The following PLCL1 variants were observed in gnomAD, a reference collection of about 807,000 sequenced individuals.
PLCL1 encodes the protein phospholipase C like 1 (inactive), also known as inactive phospholipase C-like protein 1.
A neutral mutation model predicts 84.4 loss-of-function variants in PLCL1; 41 were observed. The observed-to-expected ratio is 0.49, with a 90% CI of 0.38 to 0.63. PLCL1 has a LOEUF of 0.63. Among genes scored for constraint, PLCL1 ranks in the 30% least tolerant of loss-of-function variants. The pLI, the probability that PLCL1 is intolerant of heterozygous loss-of-function variation, is 0.00. For missense variants in PLCL1, 1,206 were observed against 1,367.8 expected, an observed-to-expected ratio of 0.88 and a Z score of 1.87; for synonymous variants, 490 against 488.3, an observed-to-expected ratio of 1.00 and a Z score of -0.05.
chr2:197,992,566 T>C (rs1690367581), intron 1 of PLCL1, among the ~76,000 whole-genome samples: 1 of 152,122 alleles, frequency 6.6e-6, no homozygotes, highest in Non-Finnish European at 1.5e-5. Context: ...GCCTGGCAAT[T>C]TCAAGTATTT....
intron 5 of PLCL1, among the ~76,000 whole-genome samples, chr2:198,138,843 C>A (rs987280713): frequency 1.1e-4 from 17 of 152,094 alleles, no homozygotes; most frequent in Admixed American, 2.0e-4. Context: ...GAACAATGAC[C>A]TTTGGAGTAC....
intron 1 of PLCL1, among the ~76,000 whole-genome samples, chr2:197,868,411 T>C (rs1265626960): frequency 6.6e-6 from 1 of 152,202 alleles, no homozygotes; most frequent in African/African-American, 2.4e-5. Context: ...TATCCCAGTG[T>C]CTATGCAGTA....
chr2:197,851,265 A>T (rs931752967), intron 1 of PLCL1, among the ~76,000 whole-genome samples: 1 of 152,240 alleles, frequency 6.6e-6, no homozygotes, highest in East Asian at 1.9e-4. Flanking sequence ...TTTTGTAAAC[A>T]TGAAGATAGG....
intron 1 of PLCL1, among the ~76,000 whole-genome samples, chr2:197,908,144 C>G (rs1306025457): frequency 6.6e-6 from 1 of 152,054 alleles, no homozygotes; most frequent in East Asian, 1.9e-4. Flanking sequence ...ACTGAGATAG[C>G]AAAAATAGAC....
intron 1 of PLCL1, among the ~76,000 whole-genome samples, chr2:197,894,274 G>A (rs1006663093): frequency 1.3e-5 from 2 of 151,962 alleles, no homozygotes; most frequent in Non-Finnish European, 2.9e-5. Flanking sequence ...GGTGTTGAGT[G>A]AGCCAGCCTA....
rs368817071 is a variant in PLCL1 at position 197,995,697 on chromosome 2, A to G, written c.241-88061A>G. On this transcript the variant is annotated intron_variant, in intron 1 of 5. Transcript: ENST00000428675. ...CATGTTCATGGTGTGGTACAGTGGT[A>G]CTTTTGTGGAGGCATACATTTTAAA... Among the ~76,000 whole-genome samples the G allele has an allele frequency of 8.9e-4, 136 of 152,214 alleles. No individual in the cohort carries two copies. The Middle Eastern group carries it at 0.017, about 19-fold the overall frequency.
intron 1 of PLCL1, among the ~76,000 whole-genome samples, chr2:198,010,805 T>A (rs1158218262): frequency 6.6e-6 from 1 of 151,852 alleles, no homozygotes; most frequent in Non-Finnish European, 1.5e-5. Flanking sequence ...AAGGTTATTT[T>A]TTTTTTTTAT....
chr2:197,922,848 C>T (rs1340700114), intron 1 of PLCL1, among the ~76,000 whole-genome samples: 8 of 121,408 alleles, frequency 6.6e-5, no homozygotes, highest in Non-Finnish European at 9.1e-5. Context: ...CCAGTAGGGG[C>T]GGCCGGGCAG....
At chr2:197,980,596 T>C (rs1040341478) in intron 1 of PLCL1, among the ~76,000 whole-genome samples, 1 of 152,184 alleles carries the variant, frequency 6.6e-6, no homozygotes, top group African/African-American at 2.4e-5. Flanking sequence ...TGAGAGAATA[T>C]TGAAATTGAT....
At chr2:197,818,211 A>C (rs532253151) in intron 1 of PLCL1, among the ~76,000 whole-genome samples, 2 of 152,152 alleles carry the variant, frequency 1.3e-5, no homozygotes, top group Non-Finnish European at 2.9e-5. Context: ...GTGTACTAGG[A>C]TGGAAGTAGT....
In PLCL1 at chr2:197,932,671, G is replaced by A. The variant is rs143227003; in HGVS notation, c.240+127332G>A. On this transcript the variant is annotated intron_variant, in intron 1 of 5. Transcript: ENST00000428675. ...CTATTTTGCATGTGTATAGAAAGGC[G>A]TTTTTAACTTACTTCAACTCAAGAT... is the stretch of plus-strand genomic sequence containing the variant. Among the ~76,000 whole-genome samples the A allele has an allele frequency of 1.2e-3, 187 of 152,274 alleles. 1 individual carries two copies. Among genetic ancestry groups the A allele is most frequent in the African/African-American group, 3.9e-3 (164 of 41,556 alleles).
chr2:197,810,881 T>C (rs921163516), intron 1 of PLCL1, among the ~76,000 whole-genome samples: 30 of 149,274 alleles, frequency 2.0e-4, no homozygotes, highest in Non-Finnish European at 4.0e-4. Context: ...TTTAAAAAAC[T>C]ATCCGACTTT....
chr2:197,940,070 A>G (rs963015738), intron 1 of PLCL1, among the ~76,000 whole-genome samples: 1 of 152,184 alleles, frequency 6.6e-6, no homozygotes, highest in Non-Finnish European at 1.5e-5. Flanking sequence ...TCTTAACTGT[A>G]TAAATGGAAG....
intron 1 of PLCL1, among the ~76,000 whole-genome samples, chr2:197,932,971 G>A (rs1197508820): frequency 3.9e-5 from 6 of 152,200 alleles, no homozygotes; most frequent in Non-Finnish European, 8.8e-5. Flanking sequence ...AAAACAATAA[G>A]TTAGAATTTC....
intron 1 of PLCL1, among the ~76,000 whole-genome samples, chr2:198,058,894 A>G (rs1327793384): frequency 1.3e-5 from 2 of 152,242 alleles, no homozygotes; most frequent in Non-Finnish European, 2.9e-5. Context: ...GCAAAAACAG[A>G]TTATAGAGCA....
At chr2:197,970,546 C>G (rs988915058) in intron 1 of PLCL1, among the ~76,000 whole-genome samples, 1 of 152,064 alleles carries the variant, frequency 6.6e-6, no homozygotes, top group Non-Finnish European at 1.5e-5. Context: ...TGAACTATCT[C>G]AATAATTTTT....
intron 1 of PLCL1, among the ~76,000 whole-genome samples, chr2:198,030,678 G>A (rs75163179): frequency 0.2 from 30,251 of 152,100 alleles, 3,089 homozygotes; most frequent in East Asian, 0.26. Flanking sequence ...TAACAGCTCT[G>A]TGAGGTGAAT....
At chr2:198,013,111 G>A (rs1690910704) in intron 1 of PLCL1, among the ~76,000 whole-genome samples, 1 of 152,048 alleles carries the variant, frequency 6.6e-6, no homozygotes, top group African/African-American at 2.4e-5. Context: ...ATTTATAAGT[G>A]TTAATTTTTC....
Position 197,804,947 on chromosome 2 carries a change from C to G in PLCL1, c.-153C>G. Reference sequence around the variant, plus strand: ...ATGTCCCCTCTCCAGAAAGTTGCCGCCGCCGCCGCCGCCGCCGCCACTGCC... The same window carrying G: ...ATGTCCCCTCTCCAGAAAGTTGCCGGCGCCGCCGCCGCCGCCGCCACTGCC... On this transcript the variant is annotated 5_prime_UTR_variant, in exon 1 of 6. Transcript: ENST00000428675. 1.1e-6 allele frequency: 1 copy of G among 905,014 alleles called. No homozygotes were observed. The highest frequency in any genetic ancestry group is 1.9e-5 in the South Asian group (1 of 53,524). The allele number at this position is 905,014 out of a possible 1,614,324, so 56.1% of individuals were successfully genotyped here.
Sources: gnomAD v4.1 joint callset for allele counts (sites outside exome capture counted in the v4.1 genomes callset) on GRCh38, gnomAD v4.1.1 for gene constraint, MANE v1.5 for transcripts, NCBI Gene and HGNC (gene_info 2026-07-23, HGNC 2026-07-21) for gene names.